Variants in CHMP5 observed in about 807,000 individuals in gnomAD.
CHMP5 encodes the protein charged multivesicular body protein 5, also known as SNF7 domain containing 2.
In CHMP5, 17 loss-of-function variants were observed where a neutral mutation model predicts 33.0. That is an observed-to-expected ratio of 0.52 (90% CI 0.35 to 0.77). The LOEUF (loss-of-function observed/expected upper bound fraction) is 0.77. Among genes scored for constraint, CHMP5 ranks in the 30% least tolerant of loss-of-function variants. The probability of loss-of-function intolerance (pLI) is 0.01; values close to 1 mark genes in which losing one functional copy is unlikely to be tolerated. For missense variants in CHMP5, 216 were observed against 261.5 expected (o/e 0.83, Z 1.20); for synonymous variants, 76 against 90.2 (o/e 0.84, Z 0.89).
At chr9:33,277,880 C>T in intron 6 of CHMP5, 1 of 378,720 alleles carries the variant, frequency 2.6e-6, no homozygotes, top group Non-Finnish European at 4.8e-6. Flanking sequence ...TTCCCATCTT[C>T]AATTGCCCCT....
rs1239131359 is a variant in CHMP5 at position 33,281,753 on chromosome 9, C to T, written c.*894C>T. On this transcript the variant is annotated 3_prime_UTR_variant, in exon 8 of 8. Coordinates refer to ENST00000223500, the MANE Select transcript of CHMP5 (RefSeq NM_016410.6). ...TCCTTATTAGTAAAATCATGCTTAA[C>T]TCACAGAGCTTTTGTGAGGAATAAT... 1 of 152,210 alleles carries T rather than the reference C, an allele frequency of 6.6e-6. No homozygotes were observed. The highest frequency in any genetic ancestry group is 2.4e-5 in the African/African-American group (1 of 41,440). The allele number at this position is 152,210 out of a possible 1,614,324, so 9.4% of individuals were successfully genotyped here. A position where few individuals can be genotyped will look rare whatever the true frequency, so the allele number is the denominator to read the frequency against.
At chr9:33,279,633 G>A (rs1190139987) in intron 7 of CHMP5, among the ~76,000 whole-genome samples, 2 of 152,058 alleles carry the variant, frequency 1.3e-5, no homozygotes, top group Non-Finnish European at 2.9e-5. Context: ...GGAGGCTGGG[G>A]CAGGCGGATC....
At chr9:33,266,189 T>C in intron 2 of CHMP5, 75 bp downstream of exon 2, 1 of 972,516 alleles carries the variant, frequency 1.0e-6, no homozygotes, top group East Asian at 2.6e-5. Context: ...AGGGCCTAGT[T>C]CGGCTGGGCG....
At chr9:33,279,048 C>A (rs1820888619) in intron 7 of CHMP5, among the ~76,000 whole-genome samples, 1 of 152,092 alleles carries the variant, frequency 6.6e-6, no homozygotes, top group East Asian at 1.9e-4. Context: ...CTCAGCCACC[C>A]CAGGTAGCTG....
At chr9:33,265,268 T>C in intron 1 of CHMP5, 121 bp downstream of exon 1, 1 of 861,818 alleles carries the variant, frequency 1.2e-6, no homozygotes. Context: ...TTACACGTCG[T>C]CCCTCTCTAT....
chr9:33,273,169 G>A (rs1003631923), intron 5 of CHMP5, among the ~76,000 whole-genome samples: 6 of 151,872 alleles, frequency 4.0e-5, no homozygotes, highest in East Asian at 1.9e-4. Context: ...ATGGGGTTTC[G>A]CCATGTTGGC....
At chr9:33,277,983 TCA>T (rs1352949405) in intron 6 of CHMP5, 128 bp from the exon 7 acceptor site, 9 of 581,122 alleles carry the variant, frequency 1.5e-5, no homozygotes, top group Non-Finnish European at 2.8e-5. Flanking sequence ...CACGTAATGG[TCA>T]CACAGCATAC....
chr9:33,268,456 A>G (rs566564088), intron 3 of CHMP5, among the ~76,000 whole-genome samples: 3 of 152,330 alleles, frequency 2.0e-5, no homozygotes, highest in East Asian at 3.9e-4. Flanking sequence ...CTACCTCTGT[A>G]GACTGTTCAG....
intron 2 of CHMP5, among the ~76,000 whole-genome samples, chr9:33,266,358 G>A (rs1320417959): frequency 6.6e-6 from 1 of 152,202 alleles, no homozygotes; most frequent in African/African-American, 2.4e-5. Flanking sequence ...TGTAATCCCA[G>A]CTACTCAGGA....
intron 5 of CHMP5, among the ~76,000 whole-genome samples, chr9:33,275,499 C>T (rs1352090722): frequency 2.0e-5 from 3 of 152,190 alleles, no homozygotes; most frequent in Non-Finnish European, 4.4e-5. Context: ...CTACTCTTGC[C>T]TCCTTTCTCT....
chr9:33,279,005 C>T (rs1195181751), intron 7 of CHMP5, among the ~76,000 whole-genome samples: 1 of 152,094 alleles, frequency 6.6e-6, no homozygotes, highest in Non-Finnish European at 1.5e-5. Context: ...CTCACTGCAA[C>T]CTCCGCCCCC....
intron 5 of CHMP5, among the ~76,000 whole-genome samples, chr9:33,272,393 CAAAA>C (rs10710870): frequency 2.2e-4 from 27 of 125,054 alleles, no homozygotes; most frequent in Non-Finnish European, 2.5e-4. Flanking sequence ...GGAGATAAAG[CAAAA>C]AAAAAAAAAA....
intron 6 of CHMP5, among the ~76,000 whole-genome samples, 160 bp downstream of exon 6, chr9:33,276,724 C>G (rs1303947362): frequency 6.6e-6 from 1 of 152,202 alleles, no homozygotes; most frequent in East Asian, 1.9e-4. Context: ...GCAGCCACAT[C>G]AGATTGCATA....
At chr9:33,265,725 C>T (rs1381028358) in intron 1 of CHMP5, among the ~76,000 whole-genome samples, 2 of 152,200 alleles carry the variant, frequency 1.3e-5, no homozygotes, top group Non-Finnish European at 2.9e-5. Context: ...GTCTCTGATT[C>T]TAGGGAAATT....
In CHMP5 at chr9:33,281,250, T is replaced by C. The variant is rs538450266; in HGVS notation, c.*391T>C. 1 of 164,928 alleles carries C rather than the reference T, an allele frequency of 6.1e-6. No homozygotes were observed. Among genetic ancestry groups the C allele is most frequent in the East Asian group, 1.8e-4 (1 of 5,660 alleles). The allele number at this position is 164,928 out of a possible 1,614,324, so 10.2% of individuals were successfully genotyped here. A position where few individuals can be genotyped will look rare whatever the true frequency, so the allele number is the denominator to read the frequency against. On this transcript the variant is annotated 3_prime_UTR_variant, in exon 8 of 8. Transcript: ENST00000223500. ...AAGATGAGATTATTGGGGCTGTTCA[T>C]ATTATGATTCAGAATCATTTTCTAT...
chr9:33,276,758 A>G (rs1377309617), intron 6 of CHMP5, among the ~76,000 whole-genome samples, 194 bp downstream of exon 6: 3 of 152,202 alleles, frequency 2.0e-5, no homozygotes, highest in Non-Finnish European at 4.4e-5. Context: ...AGTGGGATGG[A>G]TCAACTCTGA....
chr9:33,267,195 T>G (rs1439254041), intron 2 of CHMP5, among the ~76,000 whole-genome samples: 1 of 152,198 alleles, frequency 6.6e-6, no homozygotes. Context: ...TAAAATGATC[T>G]ACAGAATTCT....
chr9:33,277,873 C>T, intron 6 of CHMP5: 2 of 357,668 alleles, frequency 5.6e-6, no homozygotes, highest in South Asian at 6.8e-5. Context: ...TTTTAATTTC[C>T]CATCTTCAAT....
In CHMP5 at chr9:33,278,261, T is replaced by TAA. The variant is rs775111176; in HGVS notation, c.609+37_609+38insAA. Reference sequence around the variant, plus strand: ...TTTCTGTTTATATTTCAATGCAAAATAGCAAAGGCTTTATGCTTGACCATA... The same window carrying TAA: ...TTTCTGTTTATATTTCAATGCAAAATAAAGCAAAGGCTTTATGCTTGACCATA... On this transcript the variant is annotated intron_variant, in intron 7 of 7. Transcript: ENST00000223500. 3.3e-5 allele frequency: 41 copies of TAA among 1,230,384 alleles called. 1 individual carries two copies. In the Middle Eastern group the frequency reaches 1.1e-3, roughly 34 times the overall value. 76.2% of individuals were successfully genotyped at this position (1,230,384 alleles called of 1,614,324 possible).
Sources: gnomAD v4.1 joint callset for allele counts (sites outside exome capture counted in the v4.1 genomes callset) on GRCh38, gnomAD v4.1.1 for gene constraint, MANE v1.5 for transcripts, NCBI Gene and HGNC (gene_info 2026-07-23, HGNC 2026-07-21) for gene names.